The following HEATR4 variants were observed in gnomAD, a reference collection of about 807,000 sequenced individuals.
HEATR4 encodes HEAT repeat containing 4.
HEATR4 carries 95 observed loss-of-function variants against 108.8 expected under a neutral mutation model. That is an observed-to-expected ratio of 0.87 (90% CI 0.74 to 1.04). The LOEUF (loss-of-function observed/expected upper bound fraction) is 1.04. Ranked by LOEUF, HEATR4 falls within the 50% of genes least tolerant of loss-of-function variation. The pLI is 0.00. For synonymous variants in HEATR4, 443 were observed against 459.4 expected, an observed-to-expected ratio of 0.96 and a Z score of 0.46; for missense variants, 1,152 against 1,253.8, an observed-to-expected ratio of 0.92 and a Z score of 1.23.
At chr14:73,592,293 C>G in the HEATR4 span, 1 of 1,610,946 alleles carries the variant, frequency 6.2e-7, no homozygotes, top group Non-Finnish European at 8.5e-7. Flanking sequence ...GCTGGACGGC[C>G]ACGACCCCGA....
At chr14:73,595,787 T>C in the HEATR4 span, 4 of 1,155,828 alleles carry the variant, frequency 3.5e-6, no homozygotes, top group South Asian at 8.2e-5. Flanking sequence ...TACGTAACTT[T>C]GTTGAATAAG....
At chr14:73,594,805 A>G in the HEATR4 span, among the ~76,000 whole-genome samples, 40 of 152,206 alleles carry the variant, frequency 2.6e-4, no homozygotes, top group African/African-American at 9.4e-4. Flanking sequence ...GGCTCAAGCA[A>G]TTCTCCTGCC....
rs1464729267 is a variant in HEATR4, at chr14:73,543,049, G to C, written c.-151-12805C>G. On this transcript the variant is annotated intron_variant, in intron 1 of 17. Transcript: ENST00000553558. Reference sequence around the variant, plus strand: ...TTCTTTTTCCTTTGTCCCTTTCTCAGGTAAAAGGTCCAGGAGTTGGGCTGC... The same window carrying C: ...TTCTTTTTCCTTTGTCCCTTTCTCACGTAAAAGGTCCAGGAGTTGGGCTGC... 26 of 1,422,942 alleles carry C rather than the reference G, an allele frequency of 1.8e-5. 6 individuals are homozygous for C. The highest frequency in any genetic ancestry group is 1.9e-4 in the Middle Eastern group (1 of 5,374). 88.1% of individuals were successfully genotyped at this position (1,422,942 alleles called of 1,614,324 possible).
At chr14:73,573,341 G>C in the HEATR4 span, 3 of 1,612,080 alleles carry the variant, frequency 1.9e-6, no homozygotes, top group South Asian at 3.3e-5. Flanking sequence ...CCATCCAACT[G>C]TTTCAGGAAT....
At chr14:73,627,960 C>A in the HEATR4 span, among the ~76,000 whole-genome samples, 1 of 152,308 alleles carries the variant, frequency 6.6e-6, no homozygotes, top group East Asian at 1.9e-4. Flanking sequence ...AGGTGGGTGC[C>A]ACCAAGCCTG....
At chr14:73,490,897 C>G (rs1268436390) in intron 17 of HEATR4, 27 of 1,119,556 alleles carry the variant, frequency 2.4e-5, no homozygotes, top group Non-Finnish European at 3.4e-6. Context: ...TGGGCGTGGC[C>G]AACCCCGAGG....
chr14:73,558,122 G>A (rs1388918970), intron 1 of HEATR4, among the ~76,000 whole-genome samples: 1 of 120,212 alleles, frequency 8.3e-6, no homozygotes, highest in African/African-American at 3.1e-5. Context: ...AGAAAGCACA[G>A]CCCAAAGGGT....
chr14:73,523,221 G>C lies in HEATR4; in HGVS notation c.-69C>G. On this transcript the variant is annotated 5_prime_UTR_variant, in exon 3 of 18. Coordinates refer to ENST00000553558, the MANE Select transcript of HEATR4 (RefSeq NM_001220484.1). Reference sequence around the variant, plus strand: ...AGGAAAGGCCTGGAGATGAGACCTGGCACCTGTTAAGGGAATGGGAGGAAC... The same window carrying C: ...AGGAAAGGCCTGGAGATGAGACCTGCCACCTGTTAAGGGAATGGGAGGAAC... 1 of 1,444,510 alleles carries C rather than the reference G, an allele frequency of 6.9e-7. No individual in the cohort carries two copies. Among genetic ancestry groups the C allele is most frequent in the East Asian group, 2.5e-5 (1 of 40,390 alleles). The allele number at this position is 1,444,510 out of a possible 1,614,324, so 89.5% of individuals were successfully genotyped here.
rs1051839465 is a variant in HEATR4 at position 73,523,120 on chromosome 14, G to T, written c.33C>A (p.Leu11=). 4 of 1,605,968 alleles carry T rather than the reference G, an allele frequency of 2.5e-6. No individual in the cohort carries two copies. Among genetic ancestry groups the T allele is most frequent in the Non-Finnish European group, 3.4e-6 (4 of 1,179,756 alleles). ...GCAGTGACTGATAGAAGCAATGGGG[G>T]AGAAAGGTCTTTCCCTTCTGGGTCC... The part of the protein sequence containing the change: MTRTQKGKTF[L]PHCFYQSLPP... Residue 11 remains leucine (L), a synonymous_variant, in exon 3 of 18, where the codon CTC becomes CTA. Transcript: ENST00000553558.
the HEATR4 span, among the ~76,000 whole-genome samples, chr14:73,586,828 C>T: frequency 6.6e-6 from 1 of 152,102 alleles, no homozygotes; most frequent in Admixed American, 6.6e-5. Flanking sequence ...CTTCCCATCC[C>T]AGCCTCCCTG....
chr14:73,615,378 CTCTG>C, the HEATR4 span, among the ~76,000 whole-genome samples: 5 of 109,944 alleles, frequency 4.5e-5, no homozygotes, highest in Admixed American at 2.5e-4. Context: ...CAGAGAGAGA[CTCTG>C]TCTGATAAAA....
Position 73,519,114 on chromosome 14 carries a change from G to A in HEATR4, c.1119C>T (p.Val373=), listed in dbSNP as rs146434842. The A allele has an allele frequency of 4.5e-4, 734 of 1,613,880 alleles. 5 individuals are homozygous for A. The African/African-American group carries it at 8.9e-3, about 20-fold the overall frequency. ...HQIGAKRDQI[V]LENLNRYNKQ... ...TGTTGTACCGATTTAGGTTTTCCAG[G>A]ACAATCTGGTCTCTCTTTGCACCAA... The change falls in exon 5 of 18, where the codon GTC becomes GTT. Residue 373 remains valine, a synonymous_variant. Coordinates refer to ENST00000553558, the MANE Select transcript of HEATR4 (RefSeq NM_001220484.1).
intron 11 of HEATR4, among the ~76,000 whole-genome samples, chr14:73,501,415 G>A (rs1886452401): frequency 6.6e-6 from 1 of 150,862 alleles, no homozygotes; most frequent in South Asian, 2.1e-4. Context: ...ATGAGCCACC[G>A]CGCCCGGCCT....
chr14:73,502,735 G>C (rs750460581), intron 11 of HEATR4, among the ~76,000 whole-genome samples, 160 bp downstream of exon 11: 13 of 152,136 alleles, frequency 8.5e-5, no homozygotes, highest in Non-Finnish European at 1.8e-4. Flanking sequence ...TTTTAGTAAA[G>C]ACAGGGTTTT....
At chr14:73,505,235 C>A (rs1215542017) in intron 10 of HEATR4, among the ~76,000 whole-genome samples, 2 of 152,040 alleles carry the variant, frequency 1.3e-5, no homozygotes, top group African/African-American at 4.8e-5. Flanking sequence ...GAACTTTAAC[C>A]AATAAATTTA....
chr14:73,608,620 T>TAAGAA, the HEATR4 span, among the ~76,000 whole-genome samples: 1 of 152,204 alleles, frequency 6.6e-6, no homozygotes, highest in Non-Finnish European at 1.5e-5. Flanking sequence ...CCTGTCTTCT[T>TAAGAA]CTGAGCCCTC....
At chr14:73,591,210 G>T in the HEATR4 span, among the ~76,000 whole-genome samples, 1 of 150,948 alleles carries the variant, frequency 6.6e-6, no homozygotes. Context: ...TCGAGCCACC[G>T]CCTTGCAGCC....
the HEATR4 span, among the ~76,000 whole-genome samples, chr14:73,620,240 GCAAC>G: frequency 6.6e-6 from 1 of 152,072 alleles, no homozygotes; most frequent in African/African-American, 2.4e-5. Context: ...AGAGCCCGTA[GCAAC>G]CTTTTTAGTG....
chr14:73,480,020 A>T (rs1885183564), intron 17 of HEATR4, among the ~76,000 whole-genome samples: 1 of 152,252 alleles, frequency 6.6e-6, no homozygotes, highest in South Asian at 2.1e-4. Context: ...TGTAGAAGGA[A>T]CACAATATCT....
Sources: gnomAD v4.1 joint callset for allele counts (sites outside exome capture counted in the v4.1 genomes callset) on GRCh38, gnomAD v4.1.1 for gene constraint, MANE v1.5 for transcripts, NCBI Gene and HGNC (gene_info 2026-07-23, HGNC 2026-07-21) for gene names.